Variants in ACSF3 observed in about 807,000 individuals in gnomAD.
ACSF3 encodes malonate--CoA ligase ACSF3, mitochondrial.
In ACSF3, 78 loss-of-function variants were observed where a neutral mutation model predicts 53.2. The ratio of observed to expected loss-of-function variants is 1.47; its 90% CI spans 1.22 to 1.77. ACSF3 has a LOEUF of 1.77. ACSF3 is among the 40% of genes most tolerant of loss of function. The probability of loss-of-function intolerance (pLI) is 0.00; values close to 1 mark genes in which losing one functional copy is unlikely to be tolerated. For synonymous variants in ACSF3, 414 were observed against 333.1 expected, an observed-to-expected ratio of 1.24 and a Z score of -2.65; for missense variants, 937 against 771.1, an observed-to-expected ratio of 1.22 and a Z score of -2.55.
intron 4 of ACSF3, among the ~76,000 whole-genome samples, chr16:89,110,830 C>T (rs957518370): frequency 1.1e-4 from 17 of 152,176 alleles, no homozygotes; most frequent in Non-Finnish European, 1.9e-4. Flanking sequence ...CTCCCTCCCT[C>T]GATGGCAGTG....
intron 8 of ACSF3, among the ~76,000 whole-genome samples, chr16:89,144,786 A>C (rs1020039110): frequency 1.5e-4 from 23 of 152,192 alleles, no homozygotes; most frequent in African/African-American, 2.4e-5. Flanking sequence ...AGGGAGGGTA[A>C]AGCATCAGAC....
At chr16:89,129,363 CT>C (rs1182468656) in intron 7 of ACSF3, among the ~76,000 whole-genome samples, 1 of 151,940 alleles carries the variant, frequency 6.6e-6, no homozygotes, top group Admixed American at 6.6e-5. Context: ...GGTGAATTGA[CT>C]CTTATTAACA....
intron 10 of ACSF3, chr16:89,152,930 G>T (rs1260543465): frequency 1.3e-5 from 2 of 152,268 alleles, no homozygotes; most frequent in Admixed American, 6.5e-5. Flanking sequence ...GGAGGTCGAG[G>T]TTGACAGCGA....
chr16:89,135,877 C>G (rs1306165285), intron 8 of ACSF3, among the ~76,000 whole-genome samples: 2 of 152,256 alleles, frequency 1.3e-5, no homozygotes, highest in Non-Finnish European at 2.9e-5. Flanking sequence ...CGGGTTCAAG[C>G]AATTCTCCTG....
At position 89,123,560 on chromosome 16, in the gene ACSF3, G is replaced by A. The variant is rs139780222; in HGVS notation, c.1239+2647G>A. Among the ~76,000 whole-genome samples the A allele has an allele frequency of 4.7e-3, 715 of 152,292 alleles. 9 individuals carry two copies. The highest frequency in any genetic ancestry group is 0.04 in the South Asian group (193 of 4,822). On this transcript the variant is annotated intron_variant, in intron 7 of 10. Transcript: ENST00000614302. The stretch of plus-strand genomic sequence containing the variant: ...TGTGCCGAGGCGTGGGTCCCGGCCA[G>A]CGTCCCTCCCCAGAAGGTCTCCCTC...
chr16:89,112,353 C>A, intron 5 of ACSF3, 107 bp downstream of exon 5: 1 of 1,415,598 alleles, frequency 7.1e-7, no homozygotes, highest in Non-Finnish European at 9.9e-7. Context: ...CAGTGCTTTC[C>A]ATTTCCTTTC....
chr16:89,114,334 C>A lies in ACSF3; in HGVS notation c.978-5C>A, dbSNP rs767914459. 4 of 1,613,980 alleles carry A rather than the reference C, an allele frequency of 2.5e-6. No homozygotes were observed. The South Asian group carries it at 4.4e-5, about 18-fold the overall frequency. On this transcript the variant is annotated splice_region_variant and splice_polypyrimidine_tract_variant and intron_variant, in intron 5 of 10. Coordinates refer to ENST00000614302, the MANE Select transcript of ACSF3 (RefSeq NM_001243279.3). Reference sequence around the variant, plus strand: ...GCTAAACCTGCCTTTGGTTGTGCCGCGTAGGCTGATGGTCTCAGGCTCAGC... The same window carrying A: ...GCTAAACCTGCCTTTGGTTGTGCCGAGTAGGCTGATGGTCTCAGGCTCAGC...
intron 1 of ACSF3, among the ~76,000 whole-genome samples, chr16:89,096,447 G>T (rs757278439): frequency 6.6e-6 from 1 of 152,178 alleles, no homozygotes; most frequent in Non-Finnish European, 1.5e-5. Flanking sequence ...CTCTGTCTGC[G>T]TGTTCGAGGC....
intron 3 of ACSF3, among the ~76,000 whole-genome samples, chr16:89,101,577 G>A (rs1029710957): frequency 6.6e-6 from 1 of 152,200 alleles, no homozygotes; most frequent in African/African-American, 2.4e-5. Context: ...GGATTGAGGG[G>A]CCGCCGAGTG....
rs185075313 is a variant in ACSF3, at chr16:89,152,079, G to A, written c.1614-2011G>A. 2.6e-5 allele frequency: 4 copies of A among 152,382 alleles called. No individual in the cohort carries two copies. The East Asian group carries it at 5.8e-4, about 22-fold the overall frequency. The allele number at this position is 152,382 out of a possible 1,614,324, so 9.4% of individuals were successfully genotyped here. A position where few individuals can be genotyped will look rare whatever the true frequency, so the allele number is the denominator to read the frequency against. ...AAAGCTACCAGATGACATCCTGCTCGATGGGGAGCTGCTGGGCGTTTTCCT... is the reference window on the plus strand; with the variant it reads ...AAAGCTACCAGATGACATCCTGCTCAATGGGGAGCTGCTGGGCGTTTTCCT... On this transcript the variant is annotated intron_variant, in intron 10 of 10. Coordinates refer to ENST00000614302, the MANE Select transcript of ACSF3 (RefSeq NM_001243279.3).
intron 1 of ACSF3, among the ~76,000 whole-genome samples, chr16:89,097,086 G>A (rs1974708424): frequency 6.6e-6 from 1 of 152,342 alleles, no homozygotes; most frequent in South Asian, 2.1e-4. Flanking sequence ...TTCGCCCTGC[G>A]GGGTGACTCA....
Position 89,100,836 on chromosome 16 carries a change from C to T in ACSF3, c.155C>T (p.Ala52Val), listed in dbSNP as rs1162350199. 1 of 1,613,460 alleles carries T rather than the reference C, an allele frequency of 6.2e-7. No homozygotes were observed. The highest frequency in any genetic ancestry group is 8.5e-7 in the Non-Finnish European group (1 of 1,180,016). Residue 52 changes from alanine (A) to valine (V), a missense_variant, in exon 3 of 11, where the codon GCC becomes GTC. Physicochemically the swap from Ala to Val is moderately conservative, Grantham distance 64. Transcript: ENST00000614302. ...GCCCCGGTGTTCACCCGTGCCCTGG[C>T]CTTTGGGGACAGAATCGCCCTGGTT... ...RSAPVFTRAL[A>V]FGDRIALVDQ...
chr16:89,141,859 C>T (rs1431921077), intron 8 of ACSF3, among the ~76,000 whole-genome samples: 2 of 152,184 alleles, frequency 1.3e-5, no homozygotes, highest in Non-Finnish European at 1.5e-5. Context: ...ACTGAGGGTC[C>T]CCTCATGCCA....
chr16:89,118,482 C>G (rs1200585214), intron 6 of ACSF3, among the ~76,000 whole-genome samples: 1 of 152,238 alleles, frequency 6.6e-6, no homozygotes, highest in East Asian at 1.9e-4. Context: ...TGGCCATGGC[C>G]TTGACCCTTG....
In ACSF3 at chr16:89,101,020, G is replaced by T. The variant is rs1298835710; in HGVS notation, c.339G>T (p.Trp113Cys). 6 of 1,613,852 alleles carry T rather than the reference G, an allele frequency of 3.7e-6. No individual in the cohort carries two copies. The highest frequency in any genetic ancestry group is 1.1e-5 in the South Asian group (1 of 91,084). ...ATGCCTCCTACGTCGTGGCCCAGTGGGCGTCATGGATGAGTGGCGGTGTGG... is the reference window on the plus strand; with the variant it reads ...ATGCCTCCTACGTCGTGGCCCAGTGTGCGTCATGGATGAGTGGCGGTGTGG... ...ANDASYVVAQ[W>C]ASWMSGGVAV... Residue 113 changes from tryptophan to cysteine, a missense_variant, in exon 3 of 11, where the codon TGG becomes TGT. By Grantham distance (215) the Trp-to-Cys change is radical. Transcript: ENST00000614302.
At chr16:89,147,269 GAGGA>G (rs1391509213) in intron 10 of ACSF3, among the ~76,000 whole-genome samples, 15 of 93,962 alleles carry the variant, frequency 1.6e-4, no homozygotes, top group East Asian at 1.1e-3. Flanking sequence ...GTGAGTGAGG[GAGGA>G]GGGAGGGGCC....
rs542204810 is a variant in ACSF3, at chr16:89,118,964, C to T, written c.1127-1837C>T. On this transcript the variant is annotated intron_variant, in intron 6 of 10. Coordinates refer to ENST00000614302, the MANE Select transcript of ACSF3 (RefSeq NM_001243279.3). ...TCTCATGTCCACACTGTCACATGCC[C>T]GGGGCACAGCGAGCGGCACCTGGAG... 4.0e-3 allele frequency among the ~76,000 whole-genome samples: 605 copies of T among 152,176 alleles called. 8 individuals carry two copies. Among genetic ancestry groups the T allele is most frequent in the African/African-American group, 0.014 (560 of 41,444 alleles).
intron 7 of ACSF3, among the ~76,000 whole-genome samples, chr16:89,123,326 G>A (rs1383027483): frequency 2.6e-5 from 4 of 152,202 alleles, no homozygotes; most frequent in African/African-American, 9.6e-5. Flanking sequence ...CCCAGCATCA[G>A]AGACCTGCTG....
intron 3 of ACSF3, 66 bp from the exon 4 acceptor site, chr16:89,102,538 G>A (rs917560621): frequency 4.4e-6 from 7 of 1,591,392 alleles, no homozygotes; most frequent in Middle Eastern, 2.1e-4. Flanking sequence ...TGAGCCCGAG[G>A]TCTGTGTGTG....
Sources: allele counts gnomAD v4.1 joint callset (sites outside exome capture counted in the v4.1 genomes callset), GRCh38; gene constraint gnomAD v4.1.1; transcripts MANE v1.5; gene names NCBI Gene and HGNC (gene_info 2026-07-23, HGNC 2026-07-21).